Variants in ADAMTS18 observed in about 807,000 individuals in gnomAD.
The protein encoded by ADAMTS18 is A disintegrin and metalloproteinase with thrombospondin motifs 18.
Under a neutral mutation model 165.9 loss-of-function variants are expected in ADAMTS18, and 157 were observed. That is an observed-to-expected ratio of 0.95 (90% CI 0.83 to 1.08). The LOEUF (loss-of-function observed/expected upper bound fraction) is 1.08. Ranked by LOEUF, ADAMTS18 falls within the 50% of genes least tolerant of loss-of-function variation. The pLI is 0.00. For synonymous variants in ADAMTS18, 782 were observed against 578.2 expected, an observed-to-expected ratio of 1.35 and a Z score of -5.06; for missense variants, 2,040 against 1,534.0, an observed-to-expected ratio of 1.33 and a Z score of -5.51.
chr16:77,358,961 C>T (rs1272058391), intron 8 of ADAMTS18, among the ~76,000 whole-genome samples: 2 of 152,126 alleles, frequency 1.3e-5, no homozygotes, highest in Admixed American at 1.3e-4. Context: ...AGCAGCATGC[C>T]ATTATACTTT....
intron 11 of ADAMTS18, 70 bp from the exon 12 acceptor site, chr16:77,335,974 C>T: frequency 6.3e-6 from 10 of 1,584,444 alleles, no homozygotes; most frequent in Non-Finnish European, 7.8e-6. Flanking sequence ...TTGCCAACAC[C>T]TGCACAGTAA....
intron 20 of ADAMTS18, 138 bp downstream of exon 20, chr16:77,292,938 G>T: frequency 1.0e-6 from 1 of 988,798 alleles, no homozygotes; most frequent in Non-Finnish European, 1.5e-6. Context: ...TCCTGCCTCA[G>T]CCTCCCCAGT....
chr16:77,305,483 T>A (rs1336708019), intron 16 of ADAMTS18, among the ~76,000 whole-genome samples: 1 of 152,168 alleles, frequency 6.6e-6, no homozygotes, highest in Non-Finnish European at 1.5e-5. Context: ...TTCAAGACAG[T>A]GACAGTGAAG....
At chr16:77,434,353 T>G in intron 2 of ADAMTS18, 65 bp downstream of exon 2, 42 of 1,496,030 alleles carry the variant, frequency 2.8e-5, no homozygotes, top group Non-Finnish European at 3.3e-5. Context: ...TTTTCTCTCT[T>G]TGGGGGAAGG....
At chr16:77,403,972 A>G (rs2144814901) in intron 3 of ADAMTS18, among the ~76,000 whole-genome samples, 1 of 151,982 alleles carries the variant, frequency 6.6e-6, no homozygotes, top group Non-Finnish European at 1.5e-5. Context: ...TGACAATTGG[A>G]GTTTTAAACT....
intron 3 of ADAMTS18, among the ~76,000 whole-genome samples, chr16:77,377,684 T>C (rs274525): frequency 0.38 from 58,237 of 152,102 alleles, 11,750 homozygotes; most frequent in Non-Finnish European, 0.45. Flanking sequence ...CAATAATTAA[T>C]TTATTTTTCA....
At chr16:77,285,815 A>G (rs1039594183) in intron 22 of ADAMTS18, among the ~76,000 whole-genome samples, 1 of 152,162 alleles carries the variant, frequency 6.6e-6, no homozygotes, top group Non-Finnish European at 1.5e-5. Flanking sequence ...CTCAATCTTT[A>G]AAATGCACCC....
intron 3 of ADAMTS18, among the ~76,000 whole-genome samples, chr16:77,419,900 G>A (rs1202529635): frequency 2.0e-5 from 3 of 150,036 alleles, no homozygotes; most frequent in African/African-American, 4.9e-5. Flanking sequence ...TTGGGAGGCC[G>A]AGGCAGGAGA....
chr16:77,312,465 T>G lies in ADAMTS18; in HGVS notation c.2532+7384A>C, dbSNP rs2055800987. On this transcript the variant is annotated intron_variant, in intron 16 of 22. Coordinates refer to ENST00000282849, the MANE Select transcript of ADAMTS18 (RefSeq NM_199355.4). ...GTTGGCTGGGCTGGTCTCGAACTCC[T>G]GACCTCAGGTGATCTACCCGCCTTG... 2.6e-5 allele frequency among the ~76,000 whole-genome samples: 4 copies of G among 152,168 alleles called. No individual in the cohort carries two copies. In the South Asian group the frequency reaches 8.3e-4, roughly 32 times the overall value.
intron 7 of ADAMTS18, 31 bp downstream of exon 7, chr16:77,362,074 G>A (rs573150806): frequency 5.0e-6 from 8 of 1,612,810 alleles, no homozygotes; most frequent in Non-Finnish European, 4.2e-6. Flanking sequence ...TCAGCTAACA[G>A]GTGTGTGTGA....
At chr16:77,400,482 T>TG (rs2057315717) in intron 3 of ADAMTS18, among the ~76,000 whole-genome samples, 2 of 103,872 alleles carry the variant, frequency 1.9e-5, no homozygotes, top group Admixed American at 9.0e-5. Flanking sequence ...GTGTGTGTGT[T>TG]TTGTTTTTTT....
At chr16:77,427,273 CA>C in intron 3 of ADAMTS18, among the ~76,000 whole-genome samples, 1 of 152,268 alleles carries the variant, frequency 6.6e-6, no homozygotes, top group African/African-American at 2.4e-5. Context: ...ATCACTAAGA[CA>C]GATGATTTTT....
rs774518027 is a variant in ADAMTS18, at chr16:77,300,338, T to A, written c.2599A>T (p.Thr867Ser). 1 of 1,606,912 alleles carries A rather than the reference T, an allele frequency of 6.2e-7. No individual in the cohort carries two copies. Among genetic ancestry groups the A allele is most frequent in the Non-Finnish European group, 8.5e-7 (1 of 1,177,880 alleles). ...KYALPKVMNG[T>S]PPATKRPAYT... ...GCAGGTCTTTTTGTGGCTGGTGGAG[T>A]TCCATTCATGACCTTGGGAAGTGCA... Residue 867 changes from threonine to serine, a missense_variant, in exon 17 of 23, where the codon ACT becomes TCT. By Grantham distance (58) the Thr-to-Ser change is moderately conservative. Coordinates refer to ENST00000282849, the MANE Select transcript of ADAMTS18 (RefSeq NM_199355.4).
intron 3 of ADAMTS18, among the ~76,000 whole-genome samples, chr16:77,385,551 G>C (rs1315105176): frequency 6.6e-6 from 1 of 152,166 alleles, no homozygotes; most frequent in Non-Finnish European, 1.5e-5. Context: ...TTTCTGTGGT[G>C]GTAATGGGTT....
intron 10 of ADAMTS18, among the ~76,000 whole-genome samples, chr16:77,352,839 G>A (rs1019952050): frequency 3.3e-5 from 5 of 152,142 alleles, no homozygotes; most frequent in Admixed American, 2.0e-4. Flanking sequence ...GGCCGGGCGG[G>A]GTGGCTCATG....
In ADAMTS18 at chr16:77,310,510, G is replaced by A. The variant is rs1197142207; in HGVS notation, c.2532+9339C>T. ...CTATATCCCAGCTATTTATGCAGAT[G>A]CTTCTTGTCTAACCCATGTTGCTTC... On this transcript the variant is annotated intron_variant, in intron 16 of 22. Coordinates refer to ENST00000282849, the MANE Select transcript of ADAMTS18 (RefSeq NM_199355.4). Among the ~76,000 whole-genome samples, 5 of 151,838 alleles carry A rather than the reference G, an allele frequency of 3.3e-5. No homozygotes were observed. The South Asian group carries it at 1.0e-3, about 32-fold the overall frequency.
chr16:77,376,486 C>G (rs2056954504), intron 3 of ADAMTS18, among the ~76,000 whole-genome samples: 1 of 152,148 alleles, frequency 6.6e-6, no homozygotes, highest in African/African-American at 2.4e-5. Flanking sequence ...CCCCAACTCT[C>G]CACCCAGGGA....
intron 3 of ADAMTS18, among the ~76,000 whole-genome samples, chr16:77,419,718 C>A (rs541016200): frequency 6.6e-6 from 1 of 152,212 alleles, no homozygotes; most frequent in African/African-American, 2.4e-5. Context: ...GTCTTAGAAG[C>A]TGACCTCGCC....
At chr16:77,332,758 C>A (rs1351920891) in intron 12 of ADAMTS18, among the ~76,000 whole-genome samples, 1 of 152,118 alleles carries the variant, frequency 6.6e-6, no homozygotes, top group Admixed American at 6.5e-5. Flanking sequence ...CCAGTATGAC[C>A]AGACCAAAGA....
Sources: allele counts gnomAD v4.1 joint callset (sites outside exome capture counted in the v4.1 genomes callset), GRCh38; gene constraint gnomAD v4.1.1; transcripts MANE v1.5; gene names NCBI Gene and HGNC (gene_info 2026-07-23, HGNC 2026-07-21).